FAM184B: variants seen among roughly 807,000 people sequenced by gnomAD.
FAM184B encodes the protein protein FAM184B.
Under a neutral mutation model 135.9 loss-of-function variants are expected in FAM184B, and 111 were observed. The observed-to-expected ratio is 0.82, with a 90% CI of 0.70 to 0.96. The LOEUF (loss-of-function observed/expected upper bound fraction) is 0.96, where lower values mean the gene tolerates loss of function less well. Ranked by LOEUF, FAM184B falls within the 40% of genes least tolerant of loss-of-function variation. FAM184B has a pLI of 0.00. For missense variants in FAM184B, 1,375 were observed against 1,323.9 expected (o/e 1.04, Z -0.60); for synonymous variants, 552 against 524.8 (o/e 1.05, Z -0.71).
intron 1 of FAM184B, among the ~76,000 whole-genome samples, chr4:17,762,724 G>C (rs1412331564): frequency 6.6e-6 from 1 of 152,172 alleles, no homozygotes; most frequent in Non-Finnish European, 1.5e-5. Flanking sequence ...ATCCAAACTA[G>C]CACAACTATA....
intron 1 of FAM184B, among the ~76,000 whole-genome samples, chr4:17,759,369 T>C (rs1055789669): frequency 2.0e-5 from 3 of 152,234 alleles, no homozygotes; most frequent in African/African-American, 7.2e-5. Context: ...CCCCTTTGCC[T>C]TCTGCCACGA....
chr4:17,718,005 A>T (rs1288525323), intron 1 of FAM184B, among the ~76,000 whole-genome samples: 1 of 152,208 alleles, frequency 6.6e-6, no homozygotes, highest in Non-Finnish European at 1.5e-5. Context: ...GCCTTATTTT[A>T]CAGATGGGGC....
At chr4:17,754,828 G>A (rs1209137181) in intron 1 of FAM184B, among the ~76,000 whole-genome samples, 1 of 151,756 alleles carries the variant, frequency 6.6e-6, no homozygotes, top group Non-Finnish European at 1.5e-5. Context: ...TGTTTAAAGT[G>A]GGAAAAAGGA....
intron 7 of FAM184B, among the ~76,000 whole-genome samples, chr4:17,677,938 G>C (rs1469868341): frequency 1.3e-5 from 2 of 151,028 alleles, no homozygotes; most frequent in African/African-American, 4.8e-5. Flanking sequence ...CATCTCAATA[G>C]ATGCAGAAAA....
Position 17,709,150 on chromosome 4 carries a change from C to T in FAM184B, c.636G>A (p.Lys212=). The T allele has an allele frequency of 6.5e-7, 1 of 1,548,304 alleles. No individual in the cohort carries two copies. The change falls in exon 2 of 18, where the codon AAG becomes AAA. Residue 212 remains lysine (K), a synonymous_variant. Transcript: ENST00000265018. ...RLRVENQQLS[K]DYARKAEELQ... ...GCTCCTCGGCCTTGCGGGCGTAGTCCTTGCTCAGCTGCTGGTTCTCCACTC... is the reference window on the plus strand; with the variant it reads ...GCTCCTCGGCCTTGCGGGCGTAGTCTTTGCTCAGCTGCTGGTTCTCCACTC...
At position 17,639,318 on chromosome 4, in the gene FAM184B, C is replaced by G; in HGVS notation, c.2598G>C (p.Gln866His). The G allele has an allele frequency of 6.4e-7, 1 of 1,551,748 alleles. No individual in the cohort carries two copies. The highest frequency in any genetic ancestry group is 8.7e-7 in the Non-Finnish European group (1 of 1,147,002). ...TLRQEHRKEM[Q>H]AMVADFSSAQ... ...CACTACTGAAATCTGCCACCATGGCCTGCATCTCCTTCCGGTGTTCCTGGC... is the reference window on the plus strand; with the variant it reads ...CACTACTGAAATCTGCCACCATGGCGTGCATCTCCTTCCGGTGTTCCTGGC... Residue 866 changes from glutamine (Q) to histidine (H), a missense_variant, in exon 14 of 18, where the codon CAG becomes CAC. Physicochemically the swap from Gln to His is conservative, Grantham distance 24. Transcript: ENST00000265018.
At chr4:17,756,961 T>C (rs1239428681) in intron 1 of FAM184B, among the ~76,000 whole-genome samples, 1 of 152,114 alleles carries the variant, frequency 6.6e-6, no homozygotes, top group African/African-American at 2.4e-5. Context: ...AATTAGGAAG[T>C]CATTATTTTG....
At chr4:17,651,157 G>A (rs1715604871) in intron 11 of FAM184B, among the ~76,000 whole-genome samples, 1 of 152,154 alleles carries the variant, frequency 6.6e-6, no homozygotes, top group African/African-American at 2.4e-5. Flanking sequence ...TTAAGAGTAA[G>A]AAAGATGACA....
intron 1 of FAM184B, among the ~76,000 whole-genome samples, chr4:17,709,916 G>C (rs1030181887): frequency 3.3e-5 from 5 of 152,184 alleles, no homozygotes; most frequent in Non-Finnish European, 5.9e-5. Flanking sequence ...ATTCCGAAGG[G>C]GACCTCTGTA....
intron 12 of FAM184B, among the ~76,000 whole-genome samples, 194 bp downstream of exon 12, chr4:17,647,443 T>G (rs1715499404): frequency 6.6e-6 from 1 of 151,988 alleles, no homozygotes; most frequent in Admixed American, 6.6e-5. Context: ...AGAGATATAG[T>G]CTTGCTATGT....
intron 7 of FAM184B, among the ~76,000 whole-genome samples, chr4:17,670,765 T>C (rs547739105): frequency 2.6e-4 from 39 of 152,328 alleles, no homozygotes; most frequent in Admixed American, 4.6e-4. Flanking sequence ...GCCATTTGCC[T>C]CAGGTCTCAT....
chr4:17,757,741 C>A (rs1718454201), intron 1 of FAM184B, among the ~76,000 whole-genome samples: 2 of 152,022 alleles, frequency 1.3e-5, no homozygotes, highest in Non-Finnish European at 2.9e-5. Context: ...ATTTTCATAG[C>A]AAAATGTTAT....
chr4:17,745,055 T>G (rs182396214), intron 1 of FAM184B, among the ~76,000 whole-genome samples: 1 of 152,340 alleles, frequency 6.6e-6, no homozygotes, highest in African/African-American at 2.4e-5. Flanking sequence ...TCTTCTGACC[T>G]GCTTAGTGGT....
chr4:17,650,673 C>T (rs1715590821), intron 11 of FAM184B, among the ~76,000 whole-genome samples: 1 of 152,160 alleles, frequency 6.6e-6, no homozygotes, highest in South Asian at 2.1e-4. Context: ...TCTTTACATG[C>T]TGCTAACTTC....
intron 10 of FAM184B, among the ~76,000 whole-genome samples, chr4:17,655,690 G>C (rs760261905): frequency 6.6e-6 from 1 of 152,172 alleles, no homozygotes; most frequent in Non-Finnish European, 1.5e-5. Context: ...GGTAAGCTAC[G>C]TAAGGACACA....
rs1001772772 is a variant in FAM184B at position 17,630,904 on chromosome 4, G to T, written c.*1628C>A. On this transcript the variant is annotated 3_prime_UTR_variant, in exon 18 of 18. Transcript: ENST00000265018. ...ACAAGTCAACCATTTTTATTGCCCA[G>T]TTATTCAAAGTTTTATTCAAAGAGC... 25 of 152,058 alleles carry T rather than the reference G, an allele frequency of 1.6e-4. No individual in the cohort carries two copies. The highest frequency in any genetic ancestry group is 6.0e-4 in the African/African-American group (25 of 41,380). 9.4% of individuals were successfully genotyped at this position (152,058 alleles called of 1,614,324 possible).
chr4:17,639,529 C>G (rs551360625), intron 13 of FAM184B, 133 bp from the exon 14 acceptor site: 6 of 1,092,726 alleles, frequency 5.5e-6, no homozygotes, highest in Non-Finnish European at 6.5e-6. Flanking sequence ...CTAAGGACAC[C>G]TGTGGGAAGA....
chr4:17,660,212 G>A (rs1316602646), intron 8 of FAM184B, 125 bp from the exon 9 acceptor site: 1 of 1,152,920 alleles, frequency 8.7e-7, no homozygotes, highest in Non-Finnish European at 1.2e-6. Flanking sequence ...GTGGGGATTA[G>A]AAACATCTTG....
In FAM184B at chr4:17,647,126, C is replaced by CTT. The variant is rs5856438; in HGVS notation, c.2346+509_2346+510dup. On this transcript the variant is annotated intron_variant, in intron 12 of 17. Coordinates refer to ENST00000265018, the MANE Select transcript of FAM184B (RefSeq NM_015688.2). ...ATAAATAACATGCAGCACTTAAAAC[C>CTT]TTTTTTTTTTTCTTTTCGAAGACAA... Among the ~76,000 whole-genome samples the CTT allele has an allele frequency of 6.7e-4, 100 of 148,624 alleles. No homozygotes were observed. In the South Asian group the frequency reaches 7.1e-3, roughly 10 times the overall value.
Sources: gnomAD v4.1 joint callset for allele counts (sites outside exome capture counted in the v4.1 genomes callset) on GRCh38, gnomAD v4.1.1 for gene constraint, MANE v1.5 for transcripts, NCBI Gene and HGNC (gene_info 2026-07-23, HGNC 2026-07-21) for gene names.